Variants in TG observed in about 807,000 individuals in gnomAD.
TG encodes the protein thyroid hormones.
In TG, 270 loss-of-function variants were observed where a neutral mutation model predicts 324.7. The ratio of observed to expected loss-of-function variants is 0.83; its 90% CI spans 0.75 to 0.92. The LOEUF (loss-of-function observed/expected upper bound fraction) is 0.92, where lower values mean the gene tolerates loss of function less well. Ranked by LOEUF, TG falls within the 40% of genes least tolerant of loss-of-function variation. The pLI is 0.00. For missense variants in TG, 3,591 were observed against 3,456.4 expected (o/e 1.04, Z -0.98); for synonymous variants, 1,401 against 1,327.0 (o/e 1.06, Z -1.21).
chr8:133,020,184 G>A (rs16904805), intron 39 of TG, among the ~76,000 whole-genome samples: 7,389 of 152,270 alleles, frequency 0.049, 229 homozygotes, highest in Middle Eastern at 0.078. Flanking sequence ...CCCTGTCGCC[G>A]TGTTCCAAAG....
intron 41 of TG, among the ~76,000 whole-genome samples, chr8:133,066,506 A>G (rs1031607334): frequency 2.0e-5 from 3 of 152,202 alleles, no homozygotes; most frequent in Non-Finnish European, 4.4e-5. Context: ...CTCTCTGGGT[A>G]GTGATTTTAT....
chr8:133,066,875 T>TG (rs1220350448), intron 41 of TG, among the ~76,000 whole-genome samples: 2 of 152,346 alleles, frequency 1.3e-5, no homozygotes, highest in African/African-American at 4.8e-5. Context: ...GTGCAGGGGC[T>TG]GGGGGGTTGG....
At chr8:133,052,834 G>T (rs1035121350) in intron 41 of TG, among the ~76,000 whole-genome samples, 18 of 152,224 alleles carry the variant, frequency 1.2e-4, no homozygotes, top group Non-Finnish European at 2.5e-4. Flanking sequence ...TGGCAAATCT[G>T]CCCAGAAGCT....
intron 41 of TG, among the ~76,000 whole-genome samples, chr8:133,060,932 GGTTTTCA>G (rs1481993909): frequency 6.6e-6 from 1 of 152,190 alleles, no homozygotes; most frequent in Non-Finnish European, 1.5e-5. Flanking sequence ...GCTCCATAAC[GGTTTTCA>G]AGTTAACCAC....
chr8:133,021,958 C>T, intron 39 of TG, 33 bp from the exon 40 acceptor site: 1 of 1,613,972 alleles, frequency 6.2e-7, no homozygotes, highest in African/African-American at 1.3e-5. Flanking sequence ...GCCCTCCCCA[C>T]ACTTTAGCCT....
intron 25 of TG, among the ~76,000 whole-genome samples, chr8:132,940,860 G>A (rs565269905): frequency 2.5e-4 from 38 of 152,338 alleles, no homozygotes; most frequent in African/African-American, 9.1e-4. Flanking sequence ...TCAGAAAACT[G>A]TAGATAGTGC....
chr8:132,934,247 A>C (rs1823226147), intron 24 of TG, among the ~76,000 whole-genome samples: 1 of 152,124 alleles, frequency 6.6e-6, no homozygotes, highest in Non-Finnish European at 1.5e-5. Flanking sequence ...AGGCAGGAGA[A>C]TCGCTTGAAC....
At chr8:132,978,822 CCTT>C (rs745555606) in intron 34 of TG, among the ~76,000 whole-genome samples, 2 of 152,286 alleles carry the variant, frequency 1.3e-5, no homozygotes, top group Non-Finnish European at 2.9e-5. Context: ...TGAAACATAA[CCTT>C]CTTAGAGGGC....
chr8:133,088,897 T>C (rs1847038411), intron 41 of TG, among the ~76,000 whole-genome samples: 1 of 150,756 alleles, frequency 6.6e-6, no homozygotes, highest in African/African-American at 2.5e-5. Flanking sequence ...AAGATGATTT[T>C]AGTGTAGAAA....
chr8:133,118,700 T>C (rs975045366), intron 45 of TG, among the ~76,000 whole-genome samples: 5 of 152,154 alleles, frequency 3.3e-5, no homozygotes, highest in Admixed American at 2.0e-4. Flanking sequence ...TGGCCACCTC[T>C]GTTTTACAGA....
intron 41 of TG, chr8:133,072,941 A>G (rs1844295470): frequency 6.6e-6 from 1 of 152,226 alleles, no homozygotes; most frequent in South Asian, 2.1e-4. Context: ...ATCATATTTA[A>G]CACTGTTTAT....
At chr8:133,022,223 C>T in intron 40 of TG, 73 bp downstream of exon 40, 3 of 1,587,814 alleles carry the variant, frequency 1.9e-6, no homozygotes, top group Non-Finnish European at 1.7e-6. Flanking sequence ...CAAGACCCAT[C>T]CCCTCACTGC....
intron 41 of TG, chr8:133,038,436 G>A (rs1837479339): frequency 7.8e-6 from 8 of 1,024,644 alleles, no homozygotes; most frequent in Middle Eastern, 2.1e-4. Context: ...GGCTCCCAGG[G>A]ATCAGGGAAC....
intron 40 of TG, among the ~76,000 whole-genome samples, chr8:133,025,324 C>G (rs1242593456): frequency 6.6e-6 from 1 of 152,250 alleles, no homozygotes; most frequent in Admixed American, 6.5e-5. Flanking sequence ...TCCTGAAGCA[C>G]AAAGGGGCCA....
rs1373589000 is a variant in TG at position 133,092,548 on chromosome 8, C to T, written c.7240-2496C>T. ...AACCACAGTGCAGCCACAGCTCCCA[C>T]TGTGCAGAGGACACGCTTCTTCACC... On this transcript the variant is annotated intron_variant, in intron 41 of 47. Coordinates refer to ENST00000220616, the MANE Select transcript of TG (RefSeq NM_003235.5). Among the ~76,000 whole-genome samples, 5 of 152,316 alleles carry T rather than the reference C, an allele frequency of 3.3e-5. No individual in the cohort carries two copies. In the East Asian group the frequency reaches 7.7e-4, roughly 24 times the overall value.
intron 34 of TG, among the ~76,000 whole-genome samples, chr8:132,973,601 T>A (rs763059459): frequency 6.6e-6 from 1 of 152,226 alleles, no homozygotes; most frequent in Non-Finnish European, 1.5e-5. Context: ...GTTTTTCCAT[T>A]GGTGAAAACA....
chr8:132,928,341 C>A (rs976964141), intron 22 of TG, among the ~76,000 whole-genome samples: 3 of 152,136 alleles, frequency 2.0e-5, no homozygotes, highest in Admixed American at 2.0e-4. Context: ...TTGACAGTTA[C>A]CCGTAAGACT....
At chr8:132,888,639 T>TA (rs144871622) in intron 10 of TG, 71 bp downstream of exon 10, 14,423 of 1,411,050 alleles carry the variant, frequency 0.01, 503 homozygotes, top group African/African-American at 0.089. Flanking sequence ...GTTTAACATA[T>TA]AAAAAAGGAT....
chr8:133,124,200 G>A (rs1851352675), intron 45 of TG, among the ~76,000 whole-genome samples: 1 of 152,242 alleles, frequency 6.6e-6, no homozygotes, highest in Non-Finnish European at 1.5e-5. Flanking sequence ...AATTCATCAT[G>A]AGACTGAGTG....
Sources: gnomAD v4.1 joint callset for allele counts (sites outside exome capture counted in the v4.1 genomes callset) on GRCh38, gnomAD v4.1.1 for gene constraint, MANE v1.5 for transcripts, NCBI Gene and HGNC (gene_info 2026-07-23, HGNC 2026-07-21) for gene names.